Variants in CNBD1 observed in about 807,000 individuals in gnomAD.
CNBD1 encodes cyclic nucleotide-binding domain-containing protein 1.
Under a neutral mutation model 54.4 loss-of-function variants are expected in CNBD1, and 71 were observed. The observed-to-expected ratio is 1.30, with a 90% CI of 1.08 to 1.59. The LOEUF is 1.59. CNBD1 is among the 40% of genes most tolerant of loss of function. The pLI is 0.00. For missense variants in CNBD1, 659 were observed against 518.0 expected, an observed-to-expected ratio of 1.27 and a Z score of -2.64; for synonymous variants, 182 against 170.7, an observed-to-expected ratio of 1.07 and a Z score of -0.51.
chr8:86,942,040 T>G (rs2130430238), intron 4 of CNBD1, among the ~76,000 whole-genome samples: 1 of 152,294 alleles, frequency 6.6e-6, no homozygotes, highest in South Asian at 2.1e-4. Context: ...AGCCACCAAA[T>G]TACAGTAGGA....
chr8:87,015,110 T>TA (rs1034314479), intron 4 of CNBD1, among the ~76,000 whole-genome samples: 2 of 152,156 alleles, frequency 1.3e-5, no homozygotes, highest in African/African-American at 2.4e-5. Flanking sequence ...TATTTAATAC[T>TA]AAAAAACGTA....
intron 4 of CNBD1, among the ~76,000 whole-genome samples, chr8:87,059,555 A>G (rs1043129167): frequency 6.6e-6 from 1 of 152,226 alleles, no homozygotes. Context: ...AAGGGGAAGC[A>G]AACACATCCT....
intron 8 of CNBD1, among the ~76,000 whole-genome samples, chr8:87,334,304 T>A (rs1482246764): frequency 6.6e-6 from 1 of 151,892 alleles, no homozygotes; most frequent in Non-Finnish European, 1.5e-5. Context: ...GCAACCTATT[T>A]TTTAATTTTT....
At chr8:87,315,795 A>C (rs182590870) in intron 8 of CNBD1, among the ~76,000 whole-genome samples, 44 of 152,180 alleles carry the variant, frequency 2.9e-4, no homozygotes, top group African/African-American at 9.4e-4. Context: ...TTGATAGCAC[A>C]GTAGGGTGAT....
At chr8:87,328,999 G>A (rs1429845891) in intron 8 of CNBD1, among the ~76,000 whole-genome samples, 2 of 151,808 alleles carry the variant, frequency 1.3e-5, no homozygotes, top group African/African-American at 4.8e-5. Context: ...CTATCTTCTA[G>A]GAGTTATTCC....
intron 5 of CNBD1, among the ~76,000 whole-genome samples, chr8:87,224,482 C>A (rs1170739421): frequency 6.6e-6 from 1 of 150,934 alleles, no homozygotes; most frequent in African/African-American, 2.4e-5. Flanking sequence ...TTTCCCAGCA[C>A]CATTTATTAA....
intron 6 of CNBD1, among the ~76,000 whole-genome samples, chr8:87,283,110 C>T (rs1162899079): frequency 1.3e-5 from 2 of 151,998 alleles, no homozygotes; most frequent in Non-Finnish European, 2.9e-5. Flanking sequence ...CTTCTTATTT[C>T]CATTTCTTCT....
intron 4 of CNBD1, among the ~76,000 whole-genome samples, chr8:86,966,595 T>C (rs1224548325): frequency 6.6e-6 from 1 of 152,128 alleles, no homozygotes; most frequent in African/African-American, 2.4e-5. Context: ...GGTGGGTTCA[T>C]CGTCTCACTG....
chr8:87,275,816 A>G (rs967170358), intron 6 of CNBD1, among the ~76,000 whole-genome samples: 3 of 151,688 alleles, frequency 2.0e-5, no homozygotes, highest in Admixed American at 6.6e-5. Context: ...TTGTATATCT[A>G]GAAAACCCCA....
chr8:87,203,523 A>G (rs1180217313), intron 4 of CNBD1, among the ~76,000 whole-genome samples: 1 of 152,212 alleles, frequency 6.6e-6, no homozygotes, highest in Non-Finnish European at 1.5e-5. Flanking sequence ...TCTGAAATGC[A>G]TTCTAGCTGT....
At chr8:86,909,027 A>T (rs1809061552) in intron 3 of CNBD1, among the ~76,000 whole-genome samples, 1 of 152,132 alleles carries the variant, frequency 6.6e-6, no homozygotes, top group Non-Finnish European at 1.5e-5. Flanking sequence ...AAGTGCTGGG[A>T]TTACAGGCGT....
At chr8:86,965,646 G>A (rs115575815) in intron 4 of CNBD1, among the ~76,000 whole-genome samples, 2,934 of 152,228 alleles carry the variant, frequency 0.019, 93 homozygotes, top group African/African-American at 0.06. Context: ...CCCTCAAAAT[G>A]TTACGGGATC....
At chr8:87,103,656 C>A (rs1811476200) in intron 4 of CNBD1, among the ~76,000 whole-genome samples, 1 of 152,186 alleles carries the variant, frequency 6.6e-6, no homozygotes, top group Non-Finnish European at 1.5e-5. Flanking sequence ...AACTCACTCA[C>A]TATCATGAGA....
intron 10 of CNBD1, among the ~76,000 whole-genome samples, chr8:87,379,841 T>C (rs905301816): frequency 1.3e-5 from 2 of 151,938 alleles, no homozygotes; most frequent in Admixed American, 1.3e-4. Context: ...AACACAGGTA[T>C]AATACATTAT....
chr8:86,908,879 C>T (rs1480557189), intron 3 of CNBD1, among the ~76,000 whole-genome samples: 2 of 148,194 alleles, frequency 1.3e-5, no homozygotes, highest in Non-Finnish European at 1.5e-5. Context: ...GATTCTCCAG[C>T]CTCAGCCTCC....
At chr8:87,095,847 C>CG (rs1001837136) in intron 4 of CNBD1, among the ~76,000 whole-genome samples, 5 of 152,066 alleles carry the variant, frequency 3.3e-5, no homozygotes, top group African/African-American at 1.2e-4. Flanking sequence ...TTAGTAGAGA[C>CG]GGGGGTCTCA....
chr8:87,187,392 G>T (rs1269204248), intron 4 of CNBD1, among the ~76,000 whole-genome samples: 1 of 151,456 alleles, frequency 6.6e-6, no homozygotes, highest in Non-Finnish European at 1.5e-5. Context: ...AATTACCATG[G>T]TTCTAACTTT....
intron 4 of CNBD1, among the ~76,000 whole-genome samples, chr8:87,077,428 T>TA (rs559259344): frequency 0.012 from 1,778 of 150,874 alleles, 12 homozygotes; most frequent in Non-Finnish European, 0.019. Flanking sequence ...TTTTTTTTTT[T>TA]TTATTATACT....
chr8:87,015,043 C>T (rs1586199017), intron 4 of CNBD1, among the ~76,000 whole-genome samples: 2 of 152,168 alleles, frequency 1.3e-5, no homozygotes, highest in South Asian at 4.2e-4. Context: ...TTATAAGGGG[C>T]TTGTGTAATT....
Sources: allele counts gnomAD v4.1 joint callset (sites outside exome capture counted in the v4.1 genomes callset), GRCh38; gene constraint gnomAD v4.1.1; transcripts MANE v1.5; gene names NCBI Gene and HGNC (gene_info 2026-07-23, HGNC 2026-07-21).